Variants in GRK5 observed in about 807,000 individuals in gnomAD.
The protein encoded by GRK5 is g protein-coupled receptor kinase GRK5.
A neutral mutation model predicts 78.4 loss-of-function variants in GRK5; 40 were observed. The observed-to-expected ratio is 0.51, with a 90% CI of 0.40 to 0.66. The LOEUF (loss-of-function observed/expected upper bound fraction) is 0.66. Ranked by LOEUF, GRK5 falls within the 30% of genes least tolerant of loss-of-function variation. The probability of loss-of-function intolerance (pLI) is 0.00; values close to 1 mark genes in which losing one functional copy is unlikely to be tolerated. For synonymous variants in GRK5, 289 were observed against 296.8 expected, an observed-to-expected ratio of 0.97 and a Z score of 0.27; for missense variants, 598 against 759.9, an observed-to-expected ratio of 0.79 and a Z score of 2.50.
intron 9 of GRK5, among the ~76,000 whole-genome samples, chr10:119,438,864 A>G (rs1264652965): frequency 6.6e-6 from 1 of 152,274 alleles, no homozygotes; most frequent in Non-Finnish European, 1.5e-5. Flanking sequence ...ATAAGGATAC[A>G]CAAACACCAA....
At chr10:119,446,417 G>T (rs1853148768) in intron 12 of GRK5, among the ~76,000 whole-genome samples, 1 of 152,238 alleles carries the variant, frequency 6.6e-6, no homozygotes, top group African/African-American at 2.4e-5. Flanking sequence ...GGCCCTGGCT[G>T]CCGTCCCACC....
At chr10:119,276,839 C>T (rs570323364) in intron 1 of GRK5, among the ~76,000 whole-genome samples, 26 of 152,234 alleles carry the variant, frequency 1.7e-4, no homozygotes, top group Admixed American at 1.4e-3. Context: ...CCTGCCACAG[C>T]GGGACCTGAA....
At chr10:119,262,544 A>G (rs1463678878) in intron 1 of GRK5, among the ~76,000 whole-genome samples, 1 of 152,016 alleles carries the variant, frequency 6.6e-6, no homozygotes, top group Non-Finnish European at 1.5e-5. Context: ...GGGTTTCACC[A>G]TGTTGGCCAG....
rs756729559 is a variant in GRK5, at chr10:119,380,925, G to A, written c.259G>A (p.Val87Met). ...GTGTTACATTCAGTTCCTGGACTCC[G>A]TGGTAAGTTCCTGCTCCTGAGGGAT... ...LECYIQFLDS[V>M]AEYEVTPDEK... Residue 87 changes from valine (V) to methionine (M), a missense_variant and splice_region_variant, in exon 3 of 16, where the codon GTG becomes ATG. Val to Met is a conservative substitution (Grantham distance 21). Transcript: ENST00000392870. 6.3e-6 allele frequency: 10 copies of A among 1,594,646 alleles called. No homozygotes were observed. The highest frequency in any genetic ancestry group is 3.3e-5 in the Admixed American group (2 of 59,896).
intron 2 of GRK5, among the ~76,000 whole-genome samples, chr10:119,348,773 G>C (rs1010662544): frequency 6.6e-6 from 1 of 152,186 alleles, no homozygotes; most frequent in Non-Finnish European, 1.5e-5. Flanking sequence ...GAGTGCTTTG[G>C]GGGGACCAGG....
intron 1 of GRK5, among the ~76,000 whole-genome samples, chr10:119,317,099 A>G (rs1850499466): frequency 6.6e-6 from 1 of 152,158 alleles, no homozygotes; most frequent in African/African-American, 2.4e-5. Context: ...ATTCTTTATT[A>G]TACAGTGACA....
At chr10:119,325,894 C>A (rs1850668462) in intron 1 of GRK5, among the ~76,000 whole-genome samples, 1 of 152,268 alleles carries the variant, frequency 6.6e-6, no homozygotes, top group Non-Finnish European at 1.5e-5. Flanking sequence ...ATCATGTCCA[C>A]GTGCTCAGTA....
rs1290849844 is a variant in GRK5, at chr10:119,430,432, C to T, written c.591C>T (p.Phe197=). 5.0e-6 allele frequency: 8 copies of T among 1,611,320 alleles called. No homozygotes were observed. The Admixed American group carries it at 5.1e-5, about 10-fold the overall frequency. The part of the protein sequence containing the change: ...RQYRVLGKGG[F]GEVCACQVRA... ...ATCGAGTGCTAGGAAAAGGGGGCTT[C>T]GGGGAGGTGAGTGAACATTCACGTT... is the stretch of plus-strand genomic sequence containing the variant. The change falls in exon 7 of 16, where the codon TTC becomes TTT. Residue 197 remains phenylalanine, a synonymous_variant. Transcript: ENST00000392870. This position sits in a 1 kb window ranked among gnomAD's most constrained non-coding sequence, Gnocchi z 4.5.
chr10:119,278,992 C>G (rs557162101), intron 1 of GRK5, among the ~76,000 whole-genome samples: 3 of 152,360 alleles, frequency 2.0e-5, no homozygotes, highest in Non-Finnish European at 4.4e-5. Flanking sequence ...ATTCTCCCAC[C>G]TCTGTCTCCC....
At position 119,336,755 on chromosome 10, in the gene GRK5, A is replaced by C. The variant is rs1194601390; in HGVS notation, c.148+10144A>C. Among the ~76,000 whole-genome samples, 1 of 152,194 alleles carries C rather than the reference A, an allele frequency of 6.6e-6. No individual in the cohort carries two copies. Among genetic ancestry groups the C allele is most frequent in the Non-Finnish European group, 1.5e-5 (1 of 68,042 alleles). On this transcript the variant is annotated intron_variant, in intron 2 of 15. Coordinates refer to ENST00000392870, the MANE Select transcript of GRK5 (RefSeq NM_005308.3). This position sits in a 1 kb window ranked among gnomAD's most constrained non-coding sequence, Gnocchi z 4.5. ...GTCCTTGGGGTGATAAGGGCGCGTC[A>C]TGTCTGTCGTTCTGCCACCTAGCCG... is the stretch of plus-strand genomic sequence containing the variant.
intron 3 of GRK5, among the ~76,000 whole-genome samples, chr10:119,385,211 T>C (rs1851774688): frequency 6.6e-6 from 1 of 152,140 alleles, no homozygotes; most frequent in Non-Finnish European, 1.5e-5. Context: ...GGGGAGCCAC[T>C]GGAGGGTTTT....
At chr10:119,444,766 AG>A (rs1299954512) in intron 12 of GRK5, among the ~76,000 whole-genome samples, 1 of 152,102 alleles carries the variant, frequency 6.6e-6, no homozygotes, top group Non-Finnish European at 1.5e-5. Flanking sequence ...CGAGCCTGGG[AG>A]GGGGGAGCCA....
intron 10 of GRK5, 85 bp from the exon 11 acceptor site, chr10:119,441,914 C>T (rs1212670556): frequency 1.3e-5 from 13 of 1,027,794 alleles, no homozygotes; most frequent in African/African-American, 4.7e-5. Context: ...GCCGAGAGCT[C>T]GTATGCCTTG....
chr10:119,377,376 C>T (rs932151043), intron 2 of GRK5, among the ~76,000 whole-genome samples: 2 of 152,140 alleles, frequency 1.3e-5, no homozygotes, highest in African/African-American at 4.8e-5. Context: ...TTCCCAAATT[C>T]GTATTCTTCC....
chr10:119,284,015 G>A (rs1849806304), intron 1 of GRK5, among the ~76,000 whole-genome samples: 1 of 152,102 alleles, frequency 6.6e-6, no homozygotes. Context: ...AGTGTACTTC[G>A]GTACTCGGAT....
intron 6 of GRK5, among the ~76,000 whole-genome samples, chr10:119,426,545 G>A (rs761155384): frequency 9.2e-5 from 14 of 152,212 alleles, no homozygotes; most frequent in Non-Finnish European, 1.6e-4. Context: ...TGCCTGCATT[G>A]TGGGCTTGGG....
At chr10:119,255,591 CAGAG>C (rs373897925) in intron 1 of GRK5, among the ~76,000 whole-genome samples, 6 of 152,300 alleles carry the variant, frequency 3.9e-5, no homozygotes, top group African/African-American at 1.4e-4. Flanking sequence ...CACTGAGACT[CAGAG>C]AGCTCTGTGG....
At chr10:119,260,644 A>G (rs1589707660) in intron 1 of GRK5, among the ~76,000 whole-genome samples, 1 of 151,930 alleles carries the variant, frequency 6.6e-6, no homozygotes, top group East Asian at 1.9e-4. Flanking sequence ...CTGTTTAACA[A>G]AGCACATCTT....
intron 1 of GRK5, among the ~76,000 whole-genome samples, chr10:119,305,108 T>A (rs557877162): frequency 6.6e-6 from 1 of 150,504 alleles, no homozygotes; most frequent in East Asian, 2.0e-4. Flanking sequence ...CCAGATGAGG[T>A]CTCCTGAGCT....
Sources: gnomAD v4.1 joint callset for allele counts (sites outside exome capture counted in the v4.1 genomes callset) on GRCh38, gnomAD v4.1.1 for gene constraint, Gnocchi (gnomAD v3.1) non-coding constraint, MANE v1.5 for transcripts, NCBI Gene and HGNC (gene_info 2026-07-23, HGNC 2026-07-21) for gene names.